COL22A1: variants seen among roughly 807,000 people sequenced by gnomAD.
The protein encoded by COL22A1 is collagen type XXII alpha 1 chain.
A neutral mutation model predicts 248.9 loss-of-function variants in COL22A1; 221 were observed. The ratio of observed to expected loss-of-function variants is 0.89; its 90% CI spans 0.80 to 0.99. COL22A1 has a LOEUF of 0.99. COL22A1 is among the 50% of genes least tolerant of loss of function. COL22A1 has a pLI of 0.00. For missense variants in COL22A1, 2,240 were observed against 2,179.0 expected (o/e 1.03, Z -0.56); for synonymous variants, 891 against 793.4 (o/e 1.12, Z -2.07).
intron 53 of COL22A1, among the ~76,000 whole-genome samples, chr8:138,619,125 C>A (rs1243706403): frequency 6.6e-6 from 1 of 151,880 alleles, no homozygotes; most frequent in Non-Finnish European, 1.5e-5. Context: ...GGAAAAAAAA[C>A]CTTAGCTATG....
intron 51 of COL22A1, among the ~76,000 whole-genome samples, chr8:138,625,055 G>T (rs1292067944): frequency 6.6e-6 from 1 of 152,162 alleles, no homozygotes; most frequent in Non-Finnish European, 1.5e-5. Context: ...GTTGTTTGTT[G>T]AATGAGTGAT....
Position 138,720,783 on chromosome 8 carries a change from C to T in COL22A1, c.2311G>A (p.Gly771Arg), listed in dbSNP as rs1475630600. 14 of 1,613,652 alleles carry T rather than the reference C, an allele frequency of 8.7e-6. No individual in the cohort carries two copies. Among genetic ancestry groups the T allele is most frequent in the African/African-American group, 1.3e-5 (1 of 75,034 alleles). ...PGPPGTKGEP[G>R]ERGEDGLPGK... ...GGCAGACCATCTTCCCCTCTTTCTCCTGGTTCTCCCTGGAAGGAATACAGA... is the reference window on the plus strand; with the variant it reads ...GGCAGACCATCTTCCCCTCTTTCTCTTGGTTCTCCCTGGAAGGAATACAGA... Residue 771 changes from glycine to arginine, a missense_variant, in exon 27 of 65, where the codon GGA (glycine) becomes AGA (arginine). Gly to Arg is a moderately radical substitution (Grantham distance 125). Transcript: ENST00000303045.
intron 1 of COL22A1, among the ~76,000 whole-genome samples, chr8:138,884,314 C>T (rs765970310): frequency 3.3e-5 from 5 of 152,178 alleles, no homozygotes; most frequent in Non-Finnish European, 5.9e-5. Flanking sequence ...TCCCTGGAGG[C>T]TGAGGCCAGG....
intron 6 of COL22A1, among the ~76,000 whole-genome samples, chr8:138,825,147 T>A (rs1046418738): frequency 6.6e-6 from 1 of 151,920 alleles, no homozygotes; most frequent in African/African-American, 2.4e-5. Context: ...GGAGATGGAG[T>A]TGGATGGGAA....
chr8:138,777,088 T>A (rs1325823223), intron 15 of COL22A1, among the ~76,000 whole-genome samples: 1 of 152,218 alleles, frequency 6.6e-6, no homozygotes, highest in Non-Finnish European at 1.5e-5. Context: ...AGCAGGAACA[T>A]GTCCTGTGTA....
At chr8:138,650,058 T>C (rs547949495) in intron 45 of COL22A1, among the ~76,000 whole-genome samples, 174 of 152,318 alleles carry the variant, frequency 1.1e-3, no homozygotes, top group Non-Finnish European at 1.9e-3. Flanking sequence ...TCTGGAAGGA[T>C]AGCCTGAGGA....
chr8:138,752,168 G>T (rs528766010), intron 21 of COL22A1, among the ~76,000 whole-genome samples: 1 of 152,252 alleles, frequency 6.6e-6, no homozygotes, highest in Non-Finnish European at 1.5e-5. Context: ...GGGTTCTAAA[G>T]CTGGGGCACA....
chr8:138,808,315 AC>A (rs975150537), intron 9 of COL22A1, among the ~76,000 whole-genome samples: 44 of 152,328 alleles, frequency 2.9e-4, no homozygotes, highest in Admixed American at 2.7e-3. Context: ...ATCACTTTGT[AC>A]CCCATAAATA....
At chr8:138,900,104 G>GA in intron 1 of COL22A1, among the ~76,000 whole-genome samples, 1 of 152,104 alleles carries the variant, frequency 6.6e-6, no homozygotes, top group Non-Finnish European at 1.5e-5. Context: ...TCTGGGCAGT[G>GA]AAAAAACATG....
rs748692118 is a variant in COL22A1, at chr8:138,813,014, G to A, written c.1251C>T (p.Asp417=). 3 of 1,613,484 alleles carry A rather than the reference G, an allele frequency of 1.9e-6. No individual in the cohort carries two copies. Among genetic ancestry groups the A allele is most frequent in the Non-Finnish European group, 1.7e-6 (2 of 1,179,532 alleles). Residue 417 remains aspartate, a synonymous_variant, in exon 8 of 65, where the codon GAC becomes GAT. Transcript: ENST00000303045. Reference sequence around the variant, plus strand: ...CACAATAGATCACAATCCGCTGTAGGTCAAACTGGAAAGGAAAGCAAGGAG... The same window carrying A: ...CACAATAGATCACAATCCGCTGTAGATCAAACTGGAAAGGAAAGCAAGGAG... ...RLYDSVPIDF[D]LQRIVIYCDS...
At chr8:138,769,291 C>T (rs1026011907) in intron 16 of COL22A1, among the ~76,000 whole-genome samples, 2 of 152,190 alleles carry the variant, frequency 1.3e-5, no homozygotes, top group South Asian at 2.1e-4. Context: ...CTGCTGTACT[C>T]GGACCACATA....
chr8:138,743,270 GTGA>G (rs1400410368), intron 22 of COL22A1, among the ~76,000 whole-genome samples: 2 of 149,424 alleles, frequency 1.3e-5, no homozygotes, highest in Admixed American at 6.7e-5. Flanking sequence ...GGTAGTGATT[GTGA>G]TGATGATGGT....
At chr8:138,693,542 T>A (rs1459929215) in intron 35 of COL22A1, 104 bp downstream of exon 35, 1 of 1,228,596 alleles carries the variant, frequency 8.1e-7, no homozygotes, top group East Asian at 2.6e-5. Flanking sequence ...CTGGGCCACG[T>A]CCTCCTAGCT....
chr8:138,838,794 T>C (rs1317367403), intron 4 of COL22A1, among the ~76,000 whole-genome samples: 1 of 152,040 alleles, frequency 6.6e-6, no homozygotes, highest in East Asian at 1.9e-4. Flanking sequence ...AATTGTTTTA[T>C]GCAAAAAATA....
intron 1 of COL22A1, among the ~76,000 whole-genome samples, chr8:138,891,052 C>A (rs1410255205): frequency 6.6e-6 from 1 of 151,876 alleles, no homozygotes; most frequent in South Asian, 2.1e-4. Context: ...TTCCTGTACA[C>A]CAGCAATGAA....
chr8:138,790,284 A>G (rs947962604), intron 12 of COL22A1, among the ~76,000 whole-genome samples: 3 of 152,164 alleles, frequency 2.0e-5, no homozygotes, highest in Non-Finnish European at 4.4e-5. Flanking sequence ...GATCTCTTTT[A>G]TAAAGGCCAA....
chr8:138,655,826 CTTA>C, intron 45 of COL22A1, 68 bp downstream of exon 45: 1 of 1,319,096 alleles, frequency 7.6e-7, no homozygotes, highest in Non-Finnish European at 1.1e-6. Context: ...AAAACCCCAA[CTTA>C]TTATCAAGAT....
intron 56 of COL22A1, among the ~76,000 whole-genome samples, chr8:138,608,486 G>T (rs544129664): frequency 1.3e-5 from 2 of 152,212 alleles, no homozygotes; most frequent in Non-Finnish European, 2.9e-5. Flanking sequence ...TAGATACTGA[G>T]GCACAGAGAA....
chr8:138,781,871 C>T (rs111482102), intron 12 of COL22A1, among the ~76,000 whole-genome samples: 44 of 152,274 alleles, frequency 2.9e-4, no homozygotes, highest in Middle Eastern at 3.4e-3. Context: ...CTATACAGTG[C>T]GGGTGCTGGG....
Sources: allele counts gnomAD v4.1 joint callset (sites outside exome capture counted in the v4.1 genomes callset), GRCh38; gene constraint gnomAD v4.1.1; transcripts MANE v1.5; gene names NCBI Gene and HGNC (gene_info 2026-07-23, HGNC 2026-07-21).